Variants in COBL observed in about 807,000 individuals in gnomAD.
COBL encodes the protein protein cordon-bleu.
COBL carries 51 observed loss-of-function variants against 98.8 expected under a neutral mutation model. That is an observed-to-expected ratio of 0.52 (90% CI 0.41 to 0.65). The LOEUF (loss-of-function observed/expected upper bound fraction) is 0.65. COBL is among the 30% of genes least tolerant of loss of function. The probability of loss-of-function intolerance (pLI) is 0.00; values close to 1 mark genes in which losing one functional copy is unlikely to be tolerated. For synonymous variants in COBL, 634 were observed against 651.7 expected (o/e 0.97, Z 0.41); for missense variants, 1,617 against 1,617.5 (o/e 1.00, Z 0.01).
chr7:51,244,182 T>G (rs1796078499), intron 1 of COBL, among the ~76,000 whole-genome samples: 1 of 152,142 alleles, frequency 6.6e-6, no homozygotes, highest in Admixed American at 6.5e-5. Context: ...CAATGAGAAC[T>G]GAGGCTGCAA....
intron 1 of COBL, among the ~76,000 whole-genome samples, chr7:51,263,625 T>G (rs992521226): frequency 1.3e-5 from 2 of 151,996 alleles, no homozygotes; most frequent in Non-Finnish European, 2.9e-5. Flanking sequence ...AGTTGAAGCT[T>G]TAGTACCTGG....
At chr7:51,158,271 T>A (rs1443629147) in intron 5 of COBL, among the ~76,000 whole-genome samples, 2 of 152,202 alleles carry the variant, frequency 1.3e-5, no homozygotes. Flanking sequence ...TACTATGAAT[T>A]GGTACCATGC....
At chr7:51,132,454 T>G (rs888100426) in intron 6 of COBL, among the ~76,000 whole-genome samples, 1 of 152,202 alleles carries the variant, frequency 6.6e-6, no homozygotes, top group South Asian at 2.1e-4. Flanking sequence ...CAGAGGAAAC[T>G]GAGGACTGGA....
intron 7 of COBL, among the ~76,000 whole-genome samples, chr7:51,058,072 A>G (rs957015512): frequency 6.6e-6 from 1 of 152,220 alleles, no homozygotes; most frequent in East Asian, 1.9e-4. Flanking sequence ...CTTATCCCCA[A>G]GATAACCATG....
At chr7:51,199,143 T>A (rs1790872915) in intron 2 of COBL, among the ~76,000 whole-genome samples, 1 of 152,182 alleles carries the variant, frequency 6.6e-6, no homozygotes, top group South Asian at 2.1e-4. Context: ...AGTAGTCATG[T>A]GACCTGGCTT....
rs554542705 is a variant in COBL, at chr7:51,217,346, T to C, written c.245+2395A>G. On this transcript the variant is annotated intron_variant, in intron 2 of 12. Transcript: ENST00000265136. ...GCCATTTTCTTTTCTTTTTCTTTTT[T>C]TTTTTTTTTTTTGAGATGGAGTTTC... Among the ~76,000 whole-genome samples, 5 of 148,730 alleles carry C rather than the reference T, an allele frequency of 3.4e-5. No individual in the cohort carries two copies. The South Asian group carries it at 8.5e-4, about 25-fold the overall frequency.
intron 6 of COBL, among the ~76,000 whole-genome samples, chr7:51,098,065 T>C (rs1583784401): frequency 6.9e-6 from 1 of 144,150 alleles, no homozygotes; most frequent in South Asian, 2.2e-4. Flanking sequence ...ATCAAGGAGA[T>C]AAAAAAGACT....
intron 5 of COBL, among the ~76,000 whole-genome samples, chr7:51,181,124 A>G (rs1011365106): frequency 6.6e-6 from 1 of 152,122 alleles, no homozygotes; most frequent in African/African-American, 2.4e-5. Flanking sequence ...CCTCCCTAAC[A>G]TGGGACAGGG....
Position 51,165,113 on chromosome 7 carries a change from T to C in COBL, c.783+18989A>G, listed in dbSNP as rs549876184. On this transcript the variant is annotated intron_variant, in intron 5 of 12. Coordinates refer to ENST00000265136, the MANE Select transcript of COBL (RefSeq NM_015198.5). ...GAAAACAGATAACAAAATAACAGGA[T>C]TGAGTCCTTACTTATCAATAACATT... Among the ~76,000 whole-genome samples the C allele has an allele frequency of 5.3e-4, 81 of 151,874 alleles. No individual in the cohort carries two copies. In the Middle Eastern group the frequency reaches 0.01, roughly 19 times the overall value.
chr7:51,031,176 T>TA, intron 8 of COBL: 1 of 403,104 alleles, frequency 2.5e-6, no homozygotes, highest in Non-Finnish European at 4.4e-6. Flanking sequence ...GGACATGTGA[T>TA]ATATGGTGTG....
intron 1 of COBL, among the ~76,000 whole-genome samples, chr7:51,284,826 CAA>C (rs74813357): frequency 7.8e-5 from 9 of 115,680 alleles, no homozygotes; most frequent in Admixed American, 1.8e-4. Flanking sequence ...GACTCCGTCT[CAA>C]AAAAAAAAAA....
chr7:51,092,281 G>A (rs574734849), intron 6 of COBL, among the ~76,000 whole-genome samples: 2 of 152,268 alleles, frequency 1.3e-5, no homozygotes, highest in African/African-American at 4.8e-5. Context: ...TGCCACAAAG[G>A]GTGGGGACTA....
At chr7:51,231,337 G>A (rs899195486) in intron 1 of COBL, among the ~76,000 whole-genome samples, 1 of 152,326 alleles carries the variant, frequency 6.6e-6, no homozygotes, top group African/African-American at 2.4e-5. Context: ...GCAAAAAGAA[G>A]TGTCTCCATG....
intron 6 of COBL, among the ~76,000 whole-genome samples, chr7:51,093,460 A>G (rs1288281382): frequency 6.6e-6 from 1 of 152,220 alleles, no homozygotes; most frequent in Non-Finnish European, 1.5e-5. Context: ...AAAACTAAAA[A>G]TAGAACTACC....
At chr7:51,081,062 T>A (rs904799867) in intron 7 of COBL, among the ~76,000 whole-genome samples, 8 of 152,022 alleles carry the variant, frequency 5.3e-5, no homozygotes, top group Non-Finnish European at 1.2e-4. Context: ...TGCTTGAACA[T>A]GTGGTGCGCT....
intron 5 of COBL, chr7:51,156,349 AG>A (rs1786131440): frequency 2.0e-6 from 2 of 985,198 alleles, no homozygotes; most frequent in Admixed American, 1.2e-4. Context: ...AAATTATCTC[AG>A]TTTGAAGCTC....
At chr7:51,163,154 T>C (rs1477866908) in intron 5 of COBL, among the ~76,000 whole-genome samples, 3 of 152,214 alleles carry the variant, frequency 2.0e-5, no homozygotes, top group African/African-American at 7.2e-5. Context: ...ATGTGACTCA[T>C]GCCTCCGTTT....
chr7:51,077,131 G>A lies in COBL; in HGVS notation c.1096+8035C>T, dbSNP rs190340572. Among the ~76,000 whole-genome samples, 316 of 152,262 alleles carry A rather than the reference G, an allele frequency of 2.1e-3. 2 individuals are homozygous for A. The highest frequency in any genetic ancestry group is 6.8e-3 in the Middle Eastern group (2 of 294). On this transcript the variant is annotated intron_variant, in intron 7 of 12. Coordinates refer to ENST00000265136, the MANE Select transcript of COBL (RefSeq NM_015198.5). ...ATTCGAAAGTTATGATGAAAAATCC[G>A]TATGCACACAACTGTATTGGTTTAG...
chr7:51,304,751 T>A (rs1224534410), intron 1 of COBL, among the ~76,000 whole-genome samples: 2 of 151,474 alleles, frequency 1.3e-5, no homozygotes, highest in African/African-American at 2.4e-5. Flanking sequence ...AAAAAAAAAA[T>A]AGGAACTGTC....
Sources: gnomAD v4.1 joint callset for allele counts (sites outside exome capture counted in the v4.1 genomes callset) on GRCh38, gnomAD v4.1.1 for gene constraint, MANE v1.5 for transcripts, NCBI Gene and HGNC (gene_info 2026-07-23, HGNC 2026-07-21) for gene names.